GABRB1: variants seen among roughly 807,000 people sequenced by gnomAD.
The protein encoded by GABRB1 is gamma-aminobutyric acid receptor subunit beta-1.
A neutral mutation model predicts 51.6 loss-of-function variants in GABRB1; 17 were observed. The observed-to-expected ratio is 0.33, with a 90% CI of 0.23 to 0.49. The LOEUF is 0.49. GABRB1 is among the 20% of genes least tolerant of loss of function. GABRB1 has a pLI of 0.99. For missense variants in GABRB1, 410 were observed against 600.6 expected, an observed-to-expected ratio of 0.68 and a Z score of 3.32; for synonymous variants, 247 against 218.9, an observed-to-expected ratio of 1.13 and a Z score of -1.14.
At chr4:47,366,745 T>C (rs1166222968) in intron 5 of GABRB1, among the ~76,000 whole-genome samples, 1 of 152,172 alleles carries the variant, frequency 6.6e-6, no homozygotes, top group African/African-American at 2.4e-5. Context: ...TGAGATGACA[T>C]TCGTAATTTT....
chr4:47,019,911 T>TGTATATGTATAC (rs1442334321), intron 1 of GABRB1, among the ~76,000 whole-genome samples: 2 of 148,350 alleles, frequency 1.3e-5, no homozygotes, highest in African/African-American at 5.0e-5. Context: ...TATATGTATA[T>TGTATATGTATAC]GTATATGTAT....
intron 4 of GABRB1, among the ~76,000 whole-genome samples, chr4:47,286,891 C>A (rs1276369483): frequency 6.6e-6 from 1 of 152,140 alleles, no homozygotes; most frequent in Non-Finnish European, 1.5e-5. Context: ...CTATGATGCC[C>A]CCAAACATGG....
intron 5 of GABRB1, among the ~76,000 whole-genome samples, chr4:47,360,331 TTGA>T (rs1302910604): frequency 6.6e-6 from 1 of 151,914 alleles, no homozygotes; most frequent in Non-Finnish European, 1.5e-5. Flanking sequence ...TTTTAAACAA[TTGA>T]TGACAAGAGT....
At chr4:47,374,522 G>A (rs1178679152) in intron 5 of GABRB1, among the ~76,000 whole-genome samples, 1 of 152,222 alleles carries the variant, frequency 6.6e-6, no homozygotes, top group Non-Finnish European at 1.5e-5. Context: ...CTTATCCAAA[G>A]GAGTAGAGTA....
intron 3 of GABRB1, among the ~76,000 whole-genome samples, chr4:47,101,881 G>C (rs1714739859): frequency 1.3e-5 from 2 of 152,110 alleles, no homozygotes; most frequent in East Asian, 3.9e-4. Flanking sequence ...AGAATGAAAG[G>C]GCAGATGGGT....
At chr4:47,150,181 CA>C (rs1174765574) in intron 3 of GABRB1, among the ~76,000 whole-genome samples, 58 of 97,254 alleles carry the variant, frequency 6.0e-4, no homozygotes, top group East Asian at 2.0e-3. Context: ...CACACACACA[CA>C]ACACACACAC....
intron 4 of GABRB1, among the ~76,000 whole-genome samples, chr4:47,202,841 G>A (rs1360465223): frequency 6.6e-6 from 1 of 152,106 alleles, no homozygotes; most frequent in Non-Finnish European, 1.5e-5. Flanking sequence ...GACCACCCAA[G>A]AAACAGACAG....
chr4:47,368,654 G>A (rs1451584464), intron 5 of GABRB1, among the ~76,000 whole-genome samples: 1 of 152,100 alleles, frequency 6.6e-6, no homozygotes, highest in African/African-American at 2.4e-5. Flanking sequence ...AGCCAGTGTT[G>A]TTTTTTCCCT....
intron 3 of GABRB1, among the ~76,000 whole-genome samples, chr4:47,087,288 T>G (rs1456968918): frequency 3.3e-5 from 5 of 152,216 alleles, no homozygotes; most frequent in African/African-American, 9.7e-5. Flanking sequence ...AATTTTTTTT[T>G]TTGTGAAATG....
chr4:47,384,352 C>T (rs1727704659), intron 5 of GABRB1, among the ~76,000 whole-genome samples: 3 of 151,038 alleles, frequency 2.0e-5, no homozygotes, highest in Admixed American at 6.6e-5. Context: ...CAAAAATGTG[C>T]TTTATTGACA....
rs183287459 is a variant in GABRB1, at chr4:47,110,775, T to A, written c.241-50474T>A. 1.2e-4 allele frequency among the ~76,000 whole-genome samples: 19 copies of A among 152,308 alleles called. 1 individual carries two copies. Among genetic ancestry groups the A allele is most frequent in the Admixed American group, 1.2e-3 (18 of 15,298 alleles). Reference sequence around the variant, plus strand: ...AGCACCATCAGTTCTGTCAGTGGAATCTAAAAGATGAAGCAACATTAATTC... The same window carrying A: ...AGCACCATCAGTTCTGTCAGTGGAAACTAAAAGATGAAGCAACATTAATTC... On this transcript the variant is annotated intron_variant, in intron 3 of 8. Transcript: ENST00000295454.
chr4:47,021,304 ATAAG>A (rs1724922042), intron 1 of GABRB1, among the ~76,000 whole-genome samples: 1 of 152,168 alleles, frequency 6.6e-6, no homozygotes, highest in Non-Finnish European at 1.5e-5. Flanking sequence ...AGAATTCCAG[ATAAG>A]TAAGAGACAT....
intron 3 of GABRB1, among the ~76,000 whole-genome samples, chr4:47,125,318 A>T (rs918057726): frequency 2.6e-5 from 4 of 152,088 alleles, no homozygotes; most frequent in Non-Finnish European, 5.9e-5. Flanking sequence ...ATGTTAAAAG[A>T]TGTTCTTCAT....
At chr4:47,209,812 AT>A (rs1353113312) in intron 4 of GABRB1, among the ~76,000 whole-genome samples, 3 of 151,400 alleles carry the variant, frequency 2.0e-5, no homozygotes, top group Admixed American at 6.6e-5. Context: ...AAAAAAAAAA[AT>A]GTACAGTTTG....
At chr4:47,238,315 T>C (rs1431465591) in intron 4 of GABRB1, among the ~76,000 whole-genome samples, 1 of 152,152 alleles carries the variant, frequency 6.6e-6, no homozygotes, top group Non-Finnish European at 1.5e-5. Flanking sequence ...TAATATCCTT[T>C]TTTTAAATTA....
intron 4 of GABRB1, among the ~76,000 whole-genome samples, chr4:47,292,577 A>T (rs1416942743): frequency 6.6e-6 from 1 of 152,252 alleles, no homozygotes; most frequent in Non-Finnish European, 1.5e-5. Context: ...CAATTTATGG[A>T]AAGCAAAGGC....
chr4:47,311,266 A>G (rs1724667514), intron 4 of GABRB1, among the ~76,000 whole-genome samples: 1 of 35,692 alleles, frequency 2.8e-5, no homozygotes, highest in South Asian at 9.4e-4. Context: ...ACAACAAAAT[A>G]CCAAGCGTGG....
chr4:47,417,990 G>A (rs957101836), intron 8 of GABRB1, among the ~76,000 whole-genome samples: 2 of 152,214 alleles, frequency 1.3e-5, no homozygotes, highest in Admixed American at 1.3e-4. Context: ...GGGCAGAGAG[G>A]AGATAGTGAG....
chr4:47,203,122 G>A (rs188662372), intron 4 of GABRB1, among the ~76,000 whole-genome samples: 1 of 152,268 alleles, frequency 6.6e-6, no homozygotes, highest in East Asian at 1.9e-4. Context: ...ACTCCTCTGT[G>A]GTTGATGTAA....
Sources: allele counts gnomAD v4.1 joint callset (sites outside exome capture counted in the v4.1 genomes callset), GRCh38; gene constraint gnomAD v4.1.1; transcripts MANE v1.5; gene names NCBI Gene and HGNC (gene_info 2026-07-23, HGNC 2026-07-21).